Variants in TAF8 observed in about 807,000 individuals in gnomAD.
TAF8 encodes the protein transcription initiation factor TFIID subunit 8.
TAF8 carries 47 observed loss-of-function variants against 36.5 expected under a neutral mutation model. The observed-to-expected ratio is 1.29, with a 90% CI of 1.02 to 1.64. The LOEUF is 1.64. Among genes scored for constraint, TAF8 ranks in the 40% most tolerant of loss-of-function variants. TAF8 has a pLI of 0.00. For synonymous variants in TAF8, 175 were observed against 159.5 expected (o/e 1.10, Z -0.73); for missense variants, 420 against 407.6 (o/e 1.03, Z -0.26).
chr6:42,084,953 C>T (rs9471754), downstream of TAF8, among the ~76,000 whole-genome samples: 168 of 152,056 alleles, frequency 1.1e-3, 2 homozygotes, highest in African/African-American at 3.8e-3. Context: ...TGAGTTGGGG[C>T]GTATTGCCTC....
chr6:42,062,116 TA>T (rs1361556468), intron 5 of TAF8, among the ~76,000 whole-genome samples: 4 of 152,208 alleles, frequency 2.6e-5, no homozygotes, highest in African/African-American at 9.6e-5. Context: ...CTTTTAACAT[TA>T]CATAAAAATC....
At chr6:42,064,179 A>G (rs2127456513) in intron 5 of TAF8, among the ~76,000 whole-genome samples, 1 of 152,326 alleles carries the variant, frequency 6.6e-6, no homozygotes, top group East Asian at 1.9e-4. Flanking sequence ...AATCATTACA[A>G]GATTTTGCAT....
intron 4 of TAF8, 65 bp from the exon 5 acceptor site, chr6:42,057,324 G>C (rs2127451687): frequency 1.2e-6 from 2 of 1,605,980 alleles, no homozygotes; most frequent in East Asian, 4.5e-5. Flanking sequence ...GCTTTGGGGA[G>C]AGACCATAAT....
At chr6:42,074,695 C>T (rs1446904420) in intron 7 of TAF8, among the ~76,000 whole-genome samples, 1 of 152,102 alleles carries the variant, frequency 6.6e-6, no homozygotes, top group Non-Finnish European at 1.5e-5. Context: ...CCACCATGCC[C>T]GGCTGATTTT....
At position 42,081,987 on chromosome 6, in the gene TAF8, A is replaced by G. The variant is rs1463959788; in HGVS notation, c.*4442A>G. Reference sequence around the variant, plus strand: ...CCATCACCCACTTTCTCCCAGTGGTAGCATCTTGCATAACTGTGGTGCAAT... The same window carrying G: ...CCATCACCCACTTTCTCCCAGTGGTGGCATCTTGCATAACTGTGGTGCAAT... On this transcript the variant is annotated 3_prime_UTR_variant, in exon 9 of 9. Transcript: ENST00000372977. 6.6e-6 allele frequency: 1 copy of G among 152,268 alleles called. No homozygotes were observed. The highest frequency in any genetic ancestry group is 2.4e-5 in the African/African-American group (1 of 41,476). 9.4% of individuals were successfully genotyped at this position (152,268 alleles called of 1,614,324 possible). A position where few individuals can be genotyped will look rare whatever the true frequency, so the allele number is the denominator to read the frequency against.
rs1014756987 is a variant in TAF8 at position 42,080,610 on chromosome 6, A to G, written c.*3065A>G. On this transcript the variant is annotated 3_prime_UTR_variant, in exon 9 of 9. Transcript: ENST00000372977. ...AGGGTGGTCTCGAACACCTGACCTC[A>G]GATGATCCACCCACCTCGGCCTCCC... is the stretch of plus-strand genomic sequence containing the variant. 1.7e-5 allele frequency: 14 copies of G among 811,444 alleles called. No homozygotes were observed. In the African/African-American group the frequency reaches 2.2e-4, roughly 13 times the overall value. 50.3% of individuals were successfully genotyped at this position (811,444 alleles called of 1,614,324 possible). A position where few individuals can be genotyped will look rare whatever the true frequency, so the allele number is the denominator to read the frequency against.
At position 42,066,372 on chromosome 6, in the gene TAF8, C is replaced by A; in HGVS notation, c.550C>A (p.Arg184Ser). The part of the protein sequence containing the change: ...VLREKAASQR[R>S]DVERALTRFM... The stretch of plus-strand genomic sequence containing the variant: ...GCGGGAGAAGGCTGCATCCCAGAGG[C>A]GCGATGTGGAGCGGGCACTTACCCG... The change falls in exon 6 of 9, where the codon CGC becomes AGC. Residue 184 changes from arginine (R) to serine (S), a missense_variant. Physicochemically the swap from Arg to Ser is moderately radical, Grantham distance 110 (BLOSUM62 -1). Transcript: ENST00000372977. 6.2e-7 allele frequency: 1 copy of A among 1,614,192 alleles called. No individual in the cohort carries two copies. The highest frequency in any genetic ancestry group is 1.3e-5 in the African/African-American group (1 of 75,062).
chr6:42,077,533 G>T lies in TAF8; in HGVS notation c.921G>T (p.Lys307Asn). 6.2e-7 allele frequency: 1 copy of T among 1,612,978 alleles called. No individual in the cohort carries two copies. Residue 307 changes from lysine (K) to asparagine (N), a missense_variant and splice_region_variant, in exon 9 of 9, where the codon AAG becomes AAT. Physicochemically the swap from Lys to Asn is moderately conservative, Grantham distance 94. Coordinates refer to ENST00000372977, the MANE Select transcript of TAF8 (RefSeq NM_138572.3). ...PVKKPKIRRK[K>N]SLS Reference sequence around the variant, plus strand: ...GCTCCATGGTTCCTCTTCTTTCTAGGTCCCTCTCCTGAGCTGAGAAGGAAA... The same window carrying T: ...GCTCCATGGTTCCTCTTCTTTCTAGTTCCCTCTCCTGAGCTGAGAAGGAAA...
In TAF8 at chr6:42,066,500, ACACT is replaced by A. The variant is rs1346447011; in HGVS notation, c.637+45_637+48del. On this transcript the variant is annotated intron_variant, in intron 6 of 8. Transcript: ENST00000372977. ...CTGTGTGGACCCTGTCTTATTTGAAACACTCACATTATCTTTTCTTTCTCTCAGC... is the reference window on the plus strand; with the variant it reads ...CTGTGTGGACCCTGTCTTATTTGAAACACATTATCTTTTCTTTCTCTCAGC... 3.1e-6 allele frequency: 5 copies of A among 1,604,772 alleles called. No homozygotes were observed. In the African/African-American group the frequency reaches 4.0e-5, roughly 13 times the overall value.
rs767823791 is a variant in TAF8, at chr6:42,068,515, T to C, written c.688T>C (p.Ser230Pro). 6.2e-7 allele frequency: 1 copy of C among 1,614,108 alleles called. No homozygotes were observed. Among genetic ancestry groups the C allele is most frequent in the Non-Finnish European group, 8.5e-7 (1 of 1,180,008 alleles). The change falls in exon 7 of 9, where the codon TCT (serine) becomes CCT (proline). Residue 230 changes from serine (S) to proline (P), a missense_variant. By Grantham distance (74) the Ser-to-Pro change is moderately conservative (BLOSUM62 -1). Coordinates refer to ENST00000372977, the MANE Select transcript of TAF8 (RefSeq NM_138572.3). ...CCCCTACCTGACAGCTCTTCTTCCG[T>C]CTGAACTGGAGATGCAACAAATGGA... The part of the protein sequence containing the change: ...TIPYLTALLP[S>P]ELEMQQMEET...
At chr6:42,063,557 C>T (rs1765255552) in intron 5 of TAF8, 2 of 152,178 alleles carry the variant, frequency 1.3e-5, no homozygotes, top group Admixed American at 1.3e-4. Flanking sequence ...GAGCAATTGC[C>T]TCTGCTTTTT....
intron 5 of TAF8, among the ~76,000 whole-genome samples, chr6:42,065,324 T>G (rs1765325073): frequency 6.6e-6 from 1 of 152,116 alleles, no homozygotes; most frequent in South Asian, 2.1e-4. Flanking sequence ...CCAGCCTGGG[T>G]GACAGAGCAA....
At chr6:42,086,797 G>A (rs1432894142), downstream of TAF8, 2 of 1,523,910 alleles carry the variant, frequency 1.3e-6, no homozygotes, top group Non-Finnish European at 8.9e-7. Flanking sequence ...CACCAGGAGA[G>A]CAGCCACAAA....
At chr6:42,068,163 A>T (rs1242280104) in intron 6 of TAF8, among the ~76,000 whole-genome samples, 2 of 152,192 alleles carry the variant, frequency 1.3e-5, no homozygotes, top group African/African-American at 4.8e-5. Context: ...GTACTTGGCA[A>T]AAAGTAGATT....
downstream of TAF8, chr6:42,086,614 C>T (rs912972482): frequency 1.2e-5 from 13 of 1,110,458 alleles, no homozygotes; most frequent in African/African-American, 4.6e-5. Context: ...CCCTGATCTG[C>T]GGCACCCCCT....
chr6:42,084,481 C>G (rs1042705946), downstream of TAF8, among the ~76,000 whole-genome samples: 1 of 152,106 alleles, frequency 6.6e-6, no homozygotes, highest in Non-Finnish European at 1.5e-5. Flanking sequence ...ACCCTGTCCC[C>G]AGGCTGGAGT....
At chr6:42,053,579 G>GA (rs941334819) in intron 2 of TAF8, among the ~76,000 whole-genome samples, 3 of 135,168 alleles carry the variant, frequency 2.2e-5, no homozygotes, top group Admixed American at 7.3e-5. Flanking sequence ...AAAAAAAAAA[G>GA]AAAAAAAAAG....
chr6:42,056,968 A>T (rs552500955), intron 4 of TAF8, among the ~76,000 whole-genome samples: 19 of 152,320 alleles, frequency 1.2e-4, no homozygotes, highest in African/African-American at 4.6e-4. Flanking sequence ...CCCTCTCAAC[A>T]TAGCAGTGGA....
intron 7 of TAF8, among the ~76,000 whole-genome samples, chr6:42,073,827 G>A (rs954848663): frequency 3.3e-5 from 5 of 152,142 alleles, no homozygotes; most frequent in Non-Finnish European, 5.9e-5. Context: ...CGGTAAGAAC[G>A]GACTAGAGAG....
Sources: allele counts gnomAD v4.1 joint callset (sites outside exome capture counted in the v4.1 genomes callset), GRCh38; gene constraint gnomAD v4.1.1; transcripts MANE v1.5; gene names NCBI Gene and HGNC (gene_info 2026-07-23, HGNC 2026-07-21).